TTC6: variants seen among roughly 807,000 people sequenced by gnomAD.
The protein encoded by TTC6 is tetratricopeptide repeat protein 6.
In TTC6, 172 loss-of-function variants were observed where a neutral mutation model predicts 210.4. The ratio of observed to expected loss-of-function variants is 0.82; its 90% CI spans 0.72 to 0.93. TTC6 has a LOEUF of 0.93. Among genes scored for constraint, TTC6 ranks in the 40% least tolerant of loss-of-function variants. TTC6 has a pLI of 0.00. For synonymous variants in TTC6, 804 were observed against 819.6 expected, an observed-to-expected ratio of 0.98 and a Z score of 0.32; for missense variants, 2,414 against 2,318.1, an observed-to-expected ratio of 1.04 and a Z score of -0.85.
At chr14:37,834,563 T>A (rs1488264059) in intron 29 of TTC6, among the ~76,000 whole-genome samples, 1 of 152,170 alleles carries the variant, frequency 6.6e-6, no homozygotes, top group Non-Finnish European at 1.5e-5. Context: ...TTGTTCGATT[T>A]CTCATCTAAA....
At chr14:37,635,790 T>C (rs2139362012) in intron 1 of TTC6, among the ~76,000 whole-genome samples, 1 of 151,562 alleles carries the variant, frequency 6.6e-6, no homozygotes, top group Non-Finnish European at 1.5e-5. Context: ...ACCAACCTGA[T>C]CAACATGGTG....
intron 14 of TTC6, among the ~76,000 whole-genome samples, chr14:37,765,490 A>G (rs552891429): frequency 6.6e-6 from 1 of 152,224 alleles, no homozygotes; most frequent in East Asian, 1.9e-4. Flanking sequence ...CACAAATTAC[A>G]TCCTTATACA....
intron 13 of TTC6, among the ~76,000 whole-genome samples, 192 bp from the exon 16 acceptor site, chr14:37,752,907 T>C (rs1465932088): frequency 6.6e-6 from 1 of 151,940 alleles, no homozygotes; most frequent in Non-Finnish European, 1.5e-5. Flanking sequence ...ATACTCCCTC[T>C]CTAGAATTTG....
intron 14 of TTC6, among the ~76,000 whole-genome samples, chr14:37,771,317 G>A (rs867854891): frequency 2.6e-5 from 4 of 151,726 alleles, no homozygotes; most frequent in Admixed American, 6.6e-5. Flanking sequence ...TCTTTGTGGC[G>A]TTCTCTGTAT....
intron 29 of TTC6, among the ~76,000 whole-genome samples, chr14:37,838,182 A>G (rs1208717047): frequency 1.3e-5 from 2 of 152,086 alleles, no homozygotes; most frequent in Admixed American, 1.3e-4. Context: ...GGAGTTAGAG[A>G]TTTCTAAATT....
intron 6 of TTC6, among the ~76,000 whole-genome samples, chr14:37,723,752 G>C (rs1351912697): frequency 6.7e-6 from 1 of 150,360 alleles, no homozygotes; most frequent in Admixed American, 6.6e-5. Context: ...CCACCCCCTT[G>C]GGTGAGATTG....
intron 10 of TTC6, among the ~76,000 whole-genome samples, chr14:37,743,401 TG>T (rs2095926959): frequency 1.3e-5 from 2 of 152,364 alleles, no homozygotes; most frequent in African/African-American, 4.8e-5. Flanking sequence ...AGCAAGATCT[TG>T]TTTCCTTAAA....
intron 11 of TTC6, 34 bp from the exon 14 acceptor site, chr14:37,749,680 C>A: frequency 2.3e-6 from 3 of 1,299,270 alleles, no homozygotes; most frequent in East Asian, 2.9e-5. Context: ...TTTAACAAAT[C>A]AACTTTAACT....
intron 1 of TTC6, among the ~76,000 whole-genome samples, chr14:37,653,121 A>G (rs557826971): frequency 6.6e-6 from 1 of 152,184 alleles, no homozygotes; most frequent in Non-Finnish European, 1.5e-5. Flanking sequence ...GATCTGGTAT[A>G]ATCAGGATTA....
intron 2 of TTC6, among the ~76,000 whole-genome samples, chr14:37,607,535 A>G (rs1162179396): frequency 6.6e-6 from 1 of 152,176 alleles, no homozygotes; most frequent in African/African-American, 2.4e-5. Flanking sequence ...CAATATTACT[A>G]TTTGAAAATT....
At chr14:37,622,265 C>T (rs780575549) in exon 1 of TTC6, 2 of 1,534,990 alleles carry the variant, frequency 1.3e-6, no homozygotes, top group Middle Eastern at 1.7e-4. Flanking sequence ...GCGTTTCCTG[C>T]GCCGCAGCCC....
At chr14:37,622,315 T>C (rs1566844257) in exon 1 of TTC6, 8 of 1,533,634 alleles carry the variant, frequency 5.2e-6, no homozygotes, top group East Asian at 2.5e-5. Context: ...GGCCCTGCGA[T>C]GTCCGCGGCC....
At chr14:37,840,022 C>T (rs1050295151) in intron 29 of TTC6, among the ~76,000 whole-genome samples, 19 of 151,876 alleles carry the variant, frequency 1.3e-4, no homozygotes, top group African/African-American at 4.4e-4. Flanking sequence ...TGTTTTGGTA[C>T]CAGTACCATG....
chr14:37,595,699 C>T (rs367633842), upstream of TTC6: 4 of 152,352 alleles, frequency 2.6e-5, no homozygotes, highest in East Asian at 7.8e-4. Flanking sequence ...CCCCGGGGTC[C>T]CTCCCCAGAG....
At chr14:37,699,540 C>A (rs1211539691) in intron 4 of TTC6, among the ~76,000 whole-genome samples, 3 of 152,130 alleles carry the variant, frequency 2.0e-5, no homozygotes, top group Middle Eastern at 3.2e-3. Flanking sequence ...AACAACCAAT[C>A]AATTTGCTGG....
chr14:37,763,393 A>G (rs985016134), intron 14 of TTC6, among the ~76,000 whole-genome samples: 2 of 152,004 alleles, frequency 1.3e-5, no homozygotes, highest in Non-Finnish European at 2.9e-5. Context: ...CTTGGTGTTA[A>G]TTTTTCAGAC....
At chr14:37,745,813 T>C (rs1382276817) in intron 10 of TTC6, among the ~76,000 whole-genome samples, 2 of 152,204 alleles carry the variant, frequency 1.3e-5, no homozygotes, top group East Asian at 1.9e-4. Context: ...TCACTGTGTA[T>C]ACCTAAGCCA....
At chr14:37,811,609 C>G (rs2096129734) in intron 24 of TTC6, among the ~76,000 whole-genome samples, 1 of 151,998 alleles carries the variant, frequency 6.6e-6, no homozygotes, top group South Asian at 2.1e-4. Context: ...CTTCTAGTAC[C>G]TGGTACAGAG....
Position 37,598,635 on chromosome 14 carries a change from G to A in TTC6, c.-235+2627G>A, listed in dbSNP as rs7494610. On this transcript the variant is annotated intron_variant, in intron 1 of 2. Transcript: ENST00000556845. The surrounding 1 kb of genome is among the most constrained non-coding windows in gnomAD (Gnocchi z 4.9). Reference sequence around the variant, plus strand: ...GGTAGAAGCAGAGGGAGACGACGGCGAAAGGTGGAAGGAGAGGCCGCGGCC... The same window carrying A: ...GGTAGAAGCAGAGGGAGACGACGGCAAAAGGTGGAAGGAGAGGCCGCGGCC... Among the ~76,000 whole-genome samples the A allele has an allele frequency of 1.3e-5, 2 of 152,174 alleles. No individual in the cohort carries two copies. Among genetic ancestry groups the A allele is most frequent in the Non-Finnish European group, 2.9e-5 (2 of 68,016 alleles).
Sources: allele counts gnomAD v4.1 joint callset (sites outside exome capture counted in the v4.1 genomes callset), GRCh38; gene constraint gnomAD v4.1.1; non-coding constraint Gnocchi (gnomAD v3.1); transcripts MANE v1.5; gene names NCBI Gene and HGNC (gene_info 2026-07-23, HGNC 2026-07-21).